The following CNTN6 variants were observed in gnomAD, a reference collection of about 807,000 sequenced individuals.
CNTN6 encodes the protein contactin-6.
A neutral mutation model predicts 122.8 loss-of-function variants in CNTN6; 137 were observed. The ratio of observed to expected loss-of-function variants is 1.12; its 90% CI spans 0.97 to 1.29. The LOEUF (loss-of-function observed/expected upper bound fraction) is 1.29, where lower values mean the gene tolerates loss of function less well. CNTN6 is among the 50% of genes most tolerant of loss of function. The pLI is 0.00. For missense variants in CNTN6, 1,634 were observed against 1,223.4 expected (o/e 1.34, Z -5.01); for synonymous variants, 570 against 426.0 (o/e 1.34, Z -4.16).
intron 2 of CNTN6, among the ~76,000 whole-genome samples, chr3:1,176,309 C>A (rs568091203): frequency 6.6e-6 from 1 of 152,076 alleles, no homozygotes; most frequent in African/African-American, 2.4e-5. Flanking sequence ...CCCAGCTACT[C>A]GGGAGGCTGA....
chr3:1,256,129 C>T (rs1033664902), intron 4 of CNTN6, among the ~76,000 whole-genome samples: 2 of 152,024 alleles, frequency 1.3e-5, no homozygotes, highest in African/African-American at 4.8e-5. Flanking sequence ...TCGTGGTCTC[C>T]TAAAGTGCTG....
At position 1,239,545 on chromosome 3, in the gene CNTN6, C is replaced by T. The variant is rs147755730; in HGVS notation, c.358+11552C>T. ...TAGATGACACAAACAAATAGAAACA[C>T]ATCCCATGCTCATGGTTGGGGAGAA... On this transcript the variant is annotated intron_variant, in intron 4 of 22. Transcript: ENST00000446702. Among the ~76,000 whole-genome samples, 521 of 152,274 alleles carry T rather than the reference C, an allele frequency of 3.4e-3. 4 individuals carry two copies. Among genetic ancestry groups the T allele is most frequent in the African/African-American group, 0.012 (489 of 41,566 alleles).
At chr3:1,247,183 T>C (rs891791006) in intron 4 of CNTN6, among the ~76,000 whole-genome samples, 2 of 151,720 alleles carry the variant, frequency 1.3e-5, no homozygotes, top group African/African-American at 4.8e-5. Flanking sequence ...TTTATTCATT[T>C]ATTTTCATGG....
intron 20 of CNTN6, among the ~76,000 whole-genome samples, chr3:1,400,951 T>C (rs749701996): frequency 6.6e-6 from 1 of 152,142 alleles, no homozygotes; most frequent in African/African-American, 2.4e-5. Context: ...TACAAATATT[T>C]TGCTTAAAAT....
chr3:1,202,366 G>T (rs9818765), intron 2 of CNTN6, among the ~76,000 whole-genome samples: 2 of 151,494 alleles, frequency 1.3e-5, no homozygotes, highest in African/African-American at 4.9e-5. Context: ...CGGTGAAACC[G>T]CGTCTCTACT....
At chr3:1,277,731 A>T (rs1340138325) in intron 4 of CNTN6, among the ~76,000 whole-genome samples, 2 of 152,190 alleles carry the variant, frequency 1.3e-5, no homozygotes, top group Non-Finnish European at 2.9e-5. Context: ...ACTGAGGCTC[A>T]AAGAAGTTAA....
chr3:1,207,416 A>G (rs1017055446), intron 2 of CNTN6, among the ~76,000 whole-genome samples: 9 of 152,094 alleles, frequency 5.9e-5, no homozygotes, highest in Admixed American at 2.6e-4. Context: ...AATTATATCA[A>G]TGCTTTCAGT....
intron 12 of CNTN6, among the ~76,000 whole-genome samples, chr3:1,361,346 G>C (rs1414794198): frequency 6.6e-6 from 1 of 152,080 alleles, no homozygotes; most frequent in Non-Finnish European, 1.5e-5. Context: ...ATATAGGCAA[G>C]ATTTTGTCAC....
At chr3:1,138,217 T>C (rs1309458708) in intron 1 of CNTN6, among the ~76,000 whole-genome samples, 1 of 152,196 alleles carries the variant, frequency 6.6e-6, no homozygotes, top group Non-Finnish European at 1.5e-5. Context: ...AGGATGGAAC[T>C]AGCACCTCCC....
intron 2 of CNTN6, among the ~76,000 whole-genome samples, chr3:1,202,034 A>G (rs1453084084): frequency 6.6e-6 from 1 of 152,230 alleles, no homozygotes; most frequent in Non-Finnish European, 1.5e-5. Context: ...TTATAACGGC[A>G]TAAAATAATA....
At chr3:1,164,602 G>T (rs1245516355) in intron 2 of CNTN6, among the ~76,000 whole-genome samples, 2 of 152,190 alleles carry the variant, frequency 1.3e-5, no homozygotes. Context: ...CTTTGGAGGG[G>T]CTATAGTTTT....
At chr3:1,100,719 CTT>C (rs1223982512) in intron 1 of CNTN6, among the ~76,000 whole-genome samples, 2 of 151,934 alleles carry the variant, frequency 1.3e-5, no homozygotes, top group Non-Finnish European at 2.9e-5. Context: ...GTATTTTATA[CTT>C]TTATTTTTTA....
intron 1 of CNTN6, among the ~76,000 whole-genome samples, chr3:1,122,379 G>A (rs1446481005): frequency 6.7e-6 from 1 of 149,644 alleles, no homozygotes; most frequent in East Asian, 2.0e-4. Flanking sequence ...AGGAAGGAAG[G>A]GAGGAATGAA....
intron 1 of CNTN6, among the ~76,000 whole-genome samples, chr3:1,103,610 T>A (rs1426303194): frequency 6.6e-6 from 1 of 152,128 alleles, no homozygotes; most frequent in Non-Finnish European, 1.5e-5. Context: ...GAGACTGGAG[T>A]TTAAAGGAAA....
rs1559989999 is a variant in CNTN6 at position 1,384,770 on chromosome 3, CACATATATATATATATATAT to C, written c.2518-839_2518-820del. Among the ~76,000 whole-genome samples the C allele has an allele frequency of 1.1e-4, 14 of 127,250 alleles. 1 individual carries two copies. Among genetic ancestry groups the C allele is most frequent in the Non-Finnish European group, 1.8e-4 (11 of 61,730 alleles). 83.5% of individuals were successfully genotyped at this position (127,250 alleles called of 152,430 possible). A position where few individuals can be genotyped will look rare whatever the true frequency, so the allele number is the denominator to read the frequency against. The stretch of plus-strand genomic sequence containing the variant: ...ATACACATATATATACATATATATA[CACATATATATATATATATAT>C]ATATATACACACACACACACACATA... On this transcript the variant is annotated intron_variant, in intron 19 of 22. Coordinates refer to ENST00000446702, the MANE Select transcript of CNTN6 (RefSeq NM_001289080.2).
chr3:1,325,324 A>C (rs193121485), intron 8 of CNTN6, among the ~76,000 whole-genome samples: 22 of 152,000 alleles, frequency 1.4e-4, no homozygotes, highest in Admixed American at 1.2e-3. Flanking sequence ...TCTTTCTACC[A>C]AAATGCCAGG....
chr3:1,121,668 A>G (rs746090981), intron 1 of CNTN6, among the ~76,000 whole-genome samples: 3 of 151,924 alleles, frequency 2.0e-5, no homozygotes, highest in Non-Finnish European at 4.4e-5. Context: ...TTTGAAACAT[A>G]TAAGATTACA....
chr3:1,303,908 G>A (rs1029372667), intron 7 of CNTN6, among the ~76,000 whole-genome samples: 2 of 152,140 alleles, frequency 1.3e-5, no homozygotes, highest in Non-Finnish European at 2.9e-5. Context: ...TGCTTCAAAT[G>A]TTCACCAAGT....
intron 20 of CNTN6, among the ~76,000 whole-genome samples, chr3:1,386,938 G>A (rs1364975115): frequency 1.3e-5 from 2 of 151,844 alleles, no homozygotes; most frequent in Non-Finnish European, 2.9e-5. Flanking sequence ...TCCAAAAGAA[G>A]TTAGTTAGGA....
Sources: allele counts gnomAD v4.1 joint callset (sites outside exome capture counted in the v4.1 genomes callset), GRCh38; gene constraint gnomAD v4.1.1; transcripts MANE v1.5; gene names NCBI Gene and HGNC (gene_info 2026-07-23, HGNC 2026-07-21).